ALLC: variants seen among roughly 807,000 people sequenced by gnomAD.
ALLC encodes probable inactive allantoicase.
In ALLC, 40 loss-of-function variants were observed where a neutral mutation model predicts 45.0. The ratio of observed to expected loss-of-function variants is 0.89; its 90% confidence interval spans 0.69 to 1.16. The LOEUF (loss-of-function observed/expected upper bound fraction) is 1.16, where lower values mean the gene tolerates loss of function less well. Ranked by LOEUF, ALLC falls within the 50% of genes most tolerant of loss-of-function variation. The pLI is 0.00. For synonymous variants in ALLC, 176 were observed against 178.1 expected (o/e 0.99, Z 0.09); for missense variants, 488 against 493.1 (o/e 0.99, Z 0.10).
the ALLC span, among the ~76,000 whole-genome samples, chr2:3,651,607 T>C: frequency 6.6e-6 from 1 of 151,836 alleles, no homozygotes; most frequent in African/African-American, 2.4e-5. Flanking sequence ...AGCAGCCACG[T>C]AGACCTGACG....
intron 1 of ALLC, among the ~76,000 whole-genome samples, chr2:3,669,564 C>T (rs902366550): frequency 6.6e-5 from 10 of 152,138 alleles, no homozygotes; most frequent in Admixed American, 2.6e-4. Flanking sequence ...AGGAGAATCG[C>T]TTGAACCTGG....
chr2:3,657,622 GT>G (rs1280769853), upstream of ALLC, among the ~76,000 whole-genome samples: 2 of 152,160 alleles, frequency 1.3e-5, no homozygotes, highest in African/African-American at 4.8e-5. Context: ...GGGCTCAGCT[GT>G]TTCTTTCTGC....
intron 7 of ALLC, among the ~76,000 whole-genome samples, chr2:3,691,836 A>C (rs912693490): frequency 6.6e-6 from 1 of 152,142 alleles, no homozygotes; most frequent in Non-Finnish European, 1.5e-5. Flanking sequence ...GTATTTTTAA[A>C]TAGCCCATTT....
At position 3,695,855 on chromosome 2, in the gene ALLC, A is replaced by T; in HGVS notation, c.650A>T (p.His217Leu). The T allele has an allele frequency of 6.2e-7, 1 of 1,611,092 alleles. No individual in the cohort carries two copies. The highest frequency in any genetic ancestry group is 8.5e-7 in the Non-Finnish European group (1 of 1,179,018). ...CVGFSNAKFG[H>L]PNNIIGVGGA... Reference sequence around the variant, plus strand: ...GGATTTAGTAATGCTAAGTTTGGGCACCCAAACAATATAATAGGTAAGATG... The same window carrying T: ...GGATTTAGTAATGCTAAGTTTGGGCTCCCAAACAATATAATAGGTAAGATG... The change falls in exon 8 of 12, where the codon CAC (histidine) becomes CTC (leucine). Residue 217 changes from histidine to leucine, a missense_variant. Transcript: ENST00000252505.
Position 3,681,711 on chromosome 2 carries a change from G to A in ALLC, c.376G>A (p.Glu126Lys). ...ATPEEFEAIA[E>K]LKSDDWSYLV... is the part of the protein sequence containing the mutation. ...TCCTGAGGAGTTTGAAGCCATTGCT[G>A]AGGTACATCTCCCCCAAATGAATTG... Residue 126 changes from glutamate to lysine, a missense_variant and splice_region_variant, in exon 6 of 12, where the codon GAG (glutamate) becomes AAG (lysine). Transcript: ENST00000252505. 6.2e-7 allele frequency: 1 copy of A among 1,607,104 alleles called. No individual in the cohort carries two copies. The highest frequency in any genetic ancestry group is 1.1e-5 in the South Asian group (1 of 89,420).
chr2:3,664,453 T>A (rs966503180), intron 1 of ALLC, among the ~76,000 whole-genome samples: 1 of 152,180 alleles, frequency 6.6e-6, no homozygotes, highest in Admixed American at 6.5e-5. Context: ...GCTGAAAAGG[T>A]ATCTTTACAA....
intron 7 of ALLC, among the ~76,000 whole-genome samples, chr2:3,690,256 TCCCTTCCCTCCCCCCTCCCCTCCCCCTCC>T (rs1558545625): frequency 2.7e-4 from 4 of 14,734 alleles, no homozygotes; most frequent in African/African-American, 8.7e-4. Flanking sequence ...CCCCTTCCCT[TCCCTTCCCTCCCCCCTCCCCTCCCCCTCC>T]CCCTCCCCTC....
chr2:3,692,338 T>C (rs1667544995), intron 7 of ALLC, among the ~76,000 whole-genome samples: 1 of 152,202 alleles, frequency 6.6e-6, no homozygotes, highest in African/African-American at 2.4e-5. Context: ...ACACATAAAA[T>C]GCCCTAACAC....
chr2:3,667,682 G>T (rs1666763561), intron 1 of ALLC, among the ~76,000 whole-genome samples: 1 of 152,198 alleles, frequency 6.6e-6, no homozygotes, highest in African/African-American at 2.4e-5. Flanking sequence ...AATGTTAGGG[G>T]GTTCACTAAG....
chr2:3,697,519 T>G, intron 10 of ALLC, 63 bp downstream of exon 10: 1 of 1,377,088 alleles, frequency 7.3e-7, no homozygotes. Context: ...GACTGAGTTC[T>G]ATGGAAGTGG....
chr2:3,655,519 G>C (rs567774506), upstream of ALLC, among the ~76,000 whole-genome samples: 1 of 152,198 alleles, frequency 6.6e-6, no homozygotes, highest in Non-Finnish European at 1.5e-5. Context: ...GCAGTGGTGC[G>C]ATCACAGCTC....
the ALLC span, among the ~76,000 whole-genome samples, chr2:3,651,957 G>A: frequency 6.6e-6 from 1 of 152,208 alleles, no homozygotes; most frequent in African/African-American, 2.4e-5. Context: ...GGCCGGTGAG[G>A]GCTGAGGTCA....
At chr2:3,679,114 C>T (rs746797667) in intron 4 of ALLC, among the ~76,000 whole-genome samples, 1 of 152,168 alleles carries the variant, frequency 6.6e-6, no homozygotes, top group Non-Finnish European at 1.5e-5. Context: ...CAAACAAATC[C>T]AGGCATTAGG....
intron 1 of ALLC, among the ~76,000 whole-genome samples, chr2:3,667,024 C>T (rs1666743351): frequency 6.6e-6 from 1 of 152,210 alleles, no homozygotes; most frequent in African/African-American, 2.4e-5. Flanking sequence ...GGTGTGGCCA[C>T]TGGCTTCCAG....
rs145557371 is a variant in ALLC, at chr2:3,676,462, G to T, written c.85-2006G>T. ...TTTTTAAATTTTTTGTAGAGATGAG[G>T]TCTCTAGCTCCTGGGCTCAAGCAGT... On this transcript the variant is annotated intron_variant, in intron 3 of 11. Coordinates refer to ENST00000252505, the MANE Select transcript of ALLC (RefSeq NM_018436.4). 1.7e-3 allele frequency among the ~76,000 whole-genome samples: 252 copies of T among 152,244 alleles called. 1 individual carries two copies. Among genetic ancestry groups the T allele is most frequent in the Middle Eastern group, 0.014 (4 of 294 alleles).
upstream of ALLC, among the ~76,000 whole-genome samples, chr2:3,654,993 G>A (rs1214870495): frequency 1.3e-5 from 2 of 152,208 alleles, no homozygotes; most frequent in Non-Finnish European, 2.9e-5. Context: ...TGCCTGAGCC[G>A]CTCCCTGGAC....
chr2:3,694,027 A>C (rs919403303), intron 7 of ALLC, among the ~76,000 whole-genome samples: 1 of 152,178 alleles, frequency 6.6e-6, no homozygotes. Context: ...AAACTGCAAA[A>C]TAGTGATACA....
chr2:3,656,799 T>C (rs1666452997), upstream of ALLC, among the ~76,000 whole-genome samples: 1 of 145,034 alleles, frequency 6.9e-6, no homozygotes, highest in Non-Finnish European at 1.5e-5. Flanking sequence ...GGTCAGGGTG[T>C]GGAGGGCAGG....
chr2:3,648,678 G>C, the ALLC span, among the ~76,000 whole-genome samples: 4 of 152,226 alleles, frequency 2.6e-5, no homozygotes, highest in African/African-American at 9.6e-5. Flanking sequence ...TGTCCACGGG[G>C]CTGTAGGCTG....
Sources: allele counts gnomAD v4.1 joint callset (sites outside exome capture counted in the v4.1 genomes callset), GRCh38; gene constraint gnomAD v4.1.1; transcripts MANE v1.5; gene names NCBI Gene and HGNC (gene_info 2026-07-23, HGNC 2026-07-21).